The following NAALADL2 variants were observed in gnomAD, a reference collection of about 807,000 sequenced individuals.
The protein encoded by NAALADL2 is N-acetylated alpha-linked acidic dipeptidase like 2.
NAALADL2 carries 76 observed loss-of-function variants against 87.2 expected under a neutral mutation model. The observed-to-expected ratio is 0.87, with a 90% CI of 0.72 to 1.05. The LOEUF is 1.05. Ranked by LOEUF, NAALADL2 falls within the 50% of genes least tolerant of loss-of-function variation. The pLI is 0.00. For missense variants in NAALADL2, 1,089 were observed against 945.8 expected (o/e 1.15, Z -1.99); for synonymous variants, 354 against 331.0 (o/e 1.07, Z -0.75).
At chr3:175,151,683 C>T (rs571967814) in intron 2 of NAALADL2, among the ~76,000 whole-genome samples, 3 of 152,160 alleles carry the variant, frequency 2.0e-5, no homozygotes, top group East Asian at 3.9e-4. Context: ...ACCCATCATA[C>T]ATACATACAC....
intron 11 of NAALADL2, among the ~76,000 whole-genome samples, chr3:175,709,355 A>C (rs1740203212): frequency 6.6e-6 from 1 of 152,112 alleles, no homozygotes; most frequent in African/African-American, 2.4e-5. Context: ...CATATTTATA[A>C]ATGATATTTC....
intron 2 of NAALADL2, among the ~76,000 whole-genome samples, chr3:174,720,752 C>T (rs913124757): frequency 2.1e-4 from 32 of 152,226 alleles, no homozygotes; most frequent in Non-Finnish European, 4.4e-4. Flanking sequence ...TTTTACAATC[C>T]ATTTAAAACA....
chr3:175,353,771 T>A (rs1764044462), intron 5 of NAALADL2, among the ~76,000 whole-genome samples: 1 of 152,192 alleles, frequency 6.6e-6, no homozygotes, highest in Non-Finnish European at 1.5e-5. Flanking sequence ...ATACAGCAAA[T>A]TTTTCACTCA....
chr3:175,355,208 A>G (rs1211484158), intron 5 of NAALADL2, among the ~76,000 whole-genome samples: 1 of 151,690 alleles, frequency 6.6e-6, no homozygotes, highest in Admixed American at 6.6e-5. Flanking sequence ...AGCTGGGACT[A>G]CAGGTGTGCA....
intron 10 of NAALADL2, among the ~76,000 whole-genome samples, chr3:175,613,797 G>A (rs183483077): frequency 6.6e-6 from 1 of 152,008 alleles, no homozygotes; most frequent in Non-Finnish European, 1.5e-5. Context: ...TTTTTCTGAG[G>A]GTTAATTGAG....
intron 1 of NAALADL2, among the ~76,000 whole-genome samples, chr3:174,894,521 G>T (rs377526672): frequency 4.8e-5 from 7 of 146,264 alleles, no homozygotes; most frequent in African/African-American, 1.5e-4. Context: ...TTGGACCTGG[G>T]AGGCGGAGGT....
chr3:175,144,197 C>T (rs9861786), intron 2 of NAALADL2, among the ~76,000 whole-genome samples: 51,995 of 151,334 alleles, frequency 0.34, 8,936 homozygotes, highest in Middle Eastern at 0.39. Flanking sequence ...CAGCATGCTG[C>T]AATATTATAA....
chr3:174,616,525 A>G (rs1411687892), intron 2 of NAALADL2, among the ~76,000 whole-genome samples: 1 of 152,064 alleles, frequency 6.6e-6, no homozygotes, highest in African/African-American at 2.4e-5. Flanking sequence ...GGCAGTTGCA[A>G]TTTCTAGTAC....
chr3:174,686,816 T>C (rs1057328186), intron 2 of NAALADL2, among the ~76,000 whole-genome samples: 2 of 152,024 alleles, frequency 1.3e-5, no homozygotes, highest in Non-Finnish European at 2.9e-5. Flanking sequence ...GACTTAATTA[T>C]AAAAATTATA....
rs765485400 is a variant in NAALADL2 at position 175,374,553 on chromosome 3, GAAAAAAAAAAAAA to G, written c.1090+50248_1090+50260del. The stretch of plus-strand genomic sequence containing the variant: ...AGTGCTGAGTACCACTGCATCTCCA[GAAAAAAAAAAAAA>G]AAAAAAAAAAAAAAAAAAAGAAAGT... On this transcript the variant is annotated intron_variant, in intron 5 of 13. Transcript: ENST00000454872. Among the ~76,000 whole-genome samples, 41 of 45,406 alleles carry G rather than the reference GAAAAAAAAAAAAA, an allele frequency of 9.0e-4. 2 individuals are homozygous for G. The highest frequency in any genetic ancestry group is 7.7e-3 in the South Asian group (6 of 780). The allele number at this position is 45,406 out of a possible 152,430, so 29.8% of individuals were successfully genotyped here. A position where few individuals can be genotyped will look rare whatever the true frequency, so the allele number is the denominator to read the frequency against.
At chr3:175,174,521 A>G (rs1735393130) in intron 2 of NAALADL2, among the ~76,000 whole-genome samples, 1 of 151,784 alleles carries the variant, frequency 6.6e-6, no homozygotes, top group Non-Finnish European at 1.5e-5. Flanking sequence ...ATTCTGATAA[A>G]AGAAATAAAA....
chr3:174,810,313 AGACTT>A (rs959170832), intron 3 of NAALADL2, among the ~76,000 whole-genome samples: 54 of 152,216 alleles, frequency 3.5e-4, no homozygotes, highest in African/African-American at 1.3e-3. Context: ...AACTCCCTAG[AGACTT>A]GTTGATTGAT....
At chr3:174,811,522 G>T (rs555222246) in intron 3 of NAALADL2, among the ~76,000 whole-genome samples, 2 of 152,298 alleles carry the variant, frequency 1.3e-5, no homozygotes, top group Non-Finnish European at 2.9e-5. Flanking sequence ...ACTTGTGGCT[G>T]ATTTTTCCCT....
At chr3:175,425,146 G>A (rs578123631) in intron 5 of NAALADL2, among the ~76,000 whole-genome samples, 5 of 152,294 alleles carry the variant, frequency 3.3e-5, no homozygotes, top group South Asian at 2.1e-4. Context: ...TCTGCTAAGA[G>A]CATTGTGGAA....
Position 175,518,252 on chromosome 3 carries a change from C to A in NAALADL2, c.1653+46494C>A, listed in dbSNP as rs1022492255. On this transcript the variant is annotated intron_variant, in intron 9 of 13. Coordinates refer to ENST00000454872, the MANE Select transcript of NAALADL2 (RefSeq NM_207015.3). ...CCCTCAGTATCTGCCTAAATAATTT[C>A]TTCTTAATTCCTGTATCAGTAGGAA... Among the ~76,000 whole-genome samples the A allele has an allele frequency of 2.0e-5, 3 of 152,158 alleles. No homozygotes were observed. The East Asian group carries it at 5.8e-4, about 29-fold the overall frequency.
intron 2 of NAALADL2, among the ~76,000 whole-genome samples, chr3:174,606,894 G>A (rs1281791764): frequency 6.6e-6 from 1 of 152,016 alleles, no homozygotes; most frequent in Non-Finnish European, 1.5e-5. Context: ...TGAAATGAAG[G>A]AAAAAATGTT....
At chr3:175,596,286 C>G (rs1447693462) in intron 10 of NAALADL2, among the ~76,000 whole-genome samples, 1 of 151,842 alleles carries the variant, frequency 6.6e-6, no homozygotes, top group African/African-American at 2.4e-5. Flanking sequence ...AAAATAGAAT[C>G]TTGATTTGCT....
At chr3:174,454,194 C>T (rs910449206) in intron 1 of NAALADL2, among the ~76,000 whole-genome samples, 2 of 152,180 alleles carry the variant, frequency 1.3e-5, no homozygotes, top group Non-Finnish European at 2.9e-5. Context: ...GAAGATCTAA[C>T]TTTCCTAAAT....
At chr3:175,646,367 A>G (rs1730002330) in intron 11 of NAALADL2, among the ~76,000 whole-genome samples, 1 of 152,040 alleles carries the variant, frequency 6.6e-6, no homozygotes, top group Admixed American at 6.6e-5. Flanking sequence ...ATTCCTCAAT[A>G]TTATCTAATA....
Sources: allele counts gnomAD v4.1 joint callset (sites outside exome capture counted in the v4.1 genomes callset), GRCh38; gene constraint gnomAD v4.1.1; transcripts MANE v1.5; gene names NCBI Gene and HGNC (gene_info 2026-07-23, HGNC 2026-07-21).